The following PRR16 variants were observed in gnomAD, a reference collection of about 807,000 sequenced individuals.
PRR16 encodes protein Largen.
In PRR16, 6 loss-of-function variants were observed where a neutral mutation model predicts 18.2. The observed-to-expected ratio is 0.33, with a 90% CI of 0.18 to 0.65. The LOEUF is 0.65. Ranked by LOEUF, PRR16 falls within the 30% of genes least tolerant of loss-of-function variation. The probability of loss-of-function intolerance (pLI) is 0.74; values close to 1 mark genes in which losing one functional copy is unlikely to be tolerated. For missense variants in PRR16, 412 were observed against 376.6 expected, an observed-to-expected ratio of 1.09 and a Z score of -0.78; for synonymous variants, 151 against 147.8, an observed-to-expected ratio of 1.02 and a Z score of -0.16.
chr5:120,517,819 T>C (rs752987842), intron 1 of PRR16, among the ~76,000 whole-genome samples: 6 of 152,212 alleles, frequency 3.9e-5, no homozygotes, highest in Non-Finnish European at 7.4e-5. Context: ...TTTTCAGTAC[T>C]AGAAGGCCTG....
chr5:120,702,744 G>A, the PRR16 span, among the ~76,000 whole-genome samples: 656 of 152,244 alleles, frequency 4.3e-3, 5 homozygotes, highest in African/African-American at 0.015. Context: ...AGGTTGAAGA[G>A]TGGAAAGGAG....
the PRR16 span, among the ~76,000 whole-genome samples, chr5:120,783,225 G>A: frequency 1.3e-5 from 2 of 152,116 alleles, no homozygotes; most frequent in Non-Finnish European, 2.9e-5. Context: ...CATTTTCAAT[G>A]TGATTTACTC....
chr5:120,600,596 A>G (rs1753950794), intron 1 of PRR16, among the ~76,000 whole-genome samples: 1 of 151,854 alleles, frequency 6.6e-6, no homozygotes, highest in Admixed American at 6.6e-5. Context: ...TTGTAGGTTC[A>G]GGGGGTAAAT....
the PRR16 span, among the ~76,000 whole-genome samples, chr5:120,733,180 C>T: frequency 6.6e-6 from 1 of 152,054 alleles, no homozygotes; most frequent in African/African-American, 2.4e-5. Context: ...GAGTCTTGTT[C>T]TGTCACCCAG....
the PRR16 span, among the ~76,000 whole-genome samples, chr5:120,756,591 C>G: frequency 6.6e-6 from 1 of 151,728 alleles, no homozygotes; most frequent in African/African-American, 2.4e-5. Context: ...GCCTGTATGT[C>G]TTTTGAGAAG....
chr5:120,701,214 A>G, the PRR16 span, among the ~76,000 whole-genome samples: 4 of 152,134 alleles, frequency 2.6e-5, no homozygotes, highest in Non-Finnish European at 4.4e-5. Context: ...GGCGAGGTTA[A>G]TTAAATCCTG....
chr5:120,705,870 A>G, the PRR16 span, among the ~76,000 whole-genome samples: 1 of 152,120 alleles, frequency 6.6e-6, no homozygotes, highest in Non-Finnish European at 1.5e-5. Context: ...AAATTGTAAC[A>G]CAAGAGACCC....
chr5:120,486,106 A>T (rs2112817607), intron 1 of PRR16, among the ~76,000 whole-genome samples: 1 of 152,300 alleles, frequency 6.6e-6, no homozygotes, highest in South Asian at 2.1e-4. Flanking sequence ...GCCACAATAA[A>T]CATACATGTG....
At chr5:120,511,944 CG>C (rs1750839620) in intron 1 of PRR16, among the ~76,000 whole-genome samples, 1 of 152,130 alleles carries the variant, frequency 6.6e-6, no homozygotes, top group African/African-American at 2.4e-5. Flanking sequence ...TGTTTTTAAA[CG>C]TTTTGATGAA....
the PRR16 span, among the ~76,000 whole-genome samples, chr5:120,746,315 TAA>T: frequency 6.6e-6 from 1 of 152,130 alleles, no homozygotes; most frequent in Non-Finnish European, 1.5e-5. Context: ...TTGTTCCAGT[TAA>T]GTGTGATTTT....
At chr5:120,698,830 T>G in the PRR16 span, among the ~76,000 whole-genome samples, 1 of 152,202 alleles carries the variant, frequency 6.6e-6, no homozygotes, top group African/African-American at 2.4e-5. Context: ...TTCTTGAAGA[T>G]GGAGGACCGT....
chr5:120,628,889 CTTTTA>C (rs898090382), intron 1 of PRR16, among the ~76,000 whole-genome samples: 12 of 151,882 alleles, frequency 7.9e-5, no homozygotes, highest in Non-Finnish European at 1.2e-4. Context: ...ACTTTTTTAA[CTTTTA>C]TTTTAAGTTC....
intron 1 of PRR16, among the ~76,000 whole-genome samples, chr5:120,650,314 AT>A (rs915927661): frequency 5.3e-5 from 8 of 150,716 alleles, no homozygotes; most frequent in Non-Finnish European, 8.9e-5. Flanking sequence ...TTATCAAATG[AT>A]TTTTTTTCTT....
chr5:120,733,291 C>A, the PRR16 span, among the ~76,000 whole-genome samples: 1 of 152,034 alleles, frequency 6.6e-6, no homozygotes, highest in East Asian at 1.9e-4. Flanking sequence ...GCTGGAACTA[C>A]AGGAGTGTGC....
intron 1 of PRR16, among the ~76,000 whole-genome samples, chr5:120,597,066 G>A (rs762351951): frequency 7.3e-5 from 11 of 151,478 alleles, no homozygotes; most frequent in Non-Finnish European, 1.3e-4. Flanking sequence ...TGTAATGAAT[G>A]TTTATTTCTT....
rs112564888 is a variant in PRR16, at chr5:120,631,050, A to T, written c.160-54904A>T. Among the ~76,000 whole-genome samples, 777 of 152,324 alleles carry T rather than the reference A, an allele frequency of 5.1e-3. 1 individual carries two copies. The highest frequency in any genetic ancestry group is 0.018 in the African/African-American group (744 of 41,580). On this transcript the variant is annotated intron_variant, in intron 1 of 1. Coordinates refer to ENST00000407149, the MANE Select transcript of PRR16 (RefSeq NM_001300783.2). Reference sequence around the variant, plus strand: ...TTTTAATGTTTGTAATCAACTCATCATAAAGAAGCAGGTGACAATAAAATA... The same window carrying T: ...TTTTAATGTTTGTAATCAACTCATCTTAAAGAAGCAGGTGACAATAAAATA...
intron 1 of PRR16, among the ~76,000 whole-genome samples, chr5:120,641,309 G>C (rs1212364212): frequency 6.6e-6 from 1 of 152,138 alleles, no homozygotes; most frequent in Non-Finnish European, 1.5e-5. Flanking sequence ...GGTGCTAACA[G>C]ATTAACTGAG....
rs542200897 is a variant in PRR16 at position 120,680,887 on chromosome 5, C to A, written c.160-5067C>A. 4.6e-5 allele frequency among the ~76,000 whole-genome samples: 7 copies of A among 152,276 alleles called. No individual in the cohort carries two copies. In the East Asian group the frequency reaches 1.2e-3, roughly 25 times the overall value. On this transcript the variant is annotated intron_variant, in intron 1 of 1. Coordinates refer to ENST00000407149, the MANE Select transcript of PRR16 (RefSeq NM_001300783.2). ...TTTTTTCCACTCGTGTGTGTGTACA[C>A]ATGAACATAAACTCTAAATTATGTT...
At chr5:120,515,168 G>C (rs747022388) in intron 1 of PRR16, among the ~76,000 whole-genome samples, 6 of 152,170 alleles carry the variant, frequency 3.9e-5, no homozygotes, top group Non-Finnish European at 8.8e-5. Context: ...AAAGGGGTGA[G>C]AGAGAACACA....
Sources: allele counts gnomAD v4.1 joint callset (sites outside exome capture counted in the v4.1 genomes callset), GRCh38; gene constraint gnomAD v4.1.1; transcripts MANE v1.5; gene names NCBI Gene and HGNC (gene_info 2026-07-23, HGNC 2026-07-21).